The following UEVLD variants were observed in gnomAD, a reference collection of about 807,000 sequenced individuals.
The protein encoded by UEVLD is UEV and lactate/malate dehyrogenase domains.
A neutral mutation model predicts 58.6 loss-of-function variants in UEVLD; 47 were observed. The ratio of observed to expected loss-of-function variants is 0.80; its 90% CI spans 0.63 to 1.02. The LOEUF is 1.02. UEVLD is among the 50% of genes least tolerant of loss of function. UEVLD has a pLI of 0.00. For missense variants in UEVLD, 510 were observed against 550.6 expected, an observed-to-expected ratio of 0.93 and a Z score of 0.74; for synonymous variants, 197 against 195.3, an observed-to-expected ratio of 1.01 and a Z score of -0.07.
intron 10 of UEVLD, 119 bp downstream of exon 10, chr11:18,536,287 G>A: frequency 2.2e-6 from 2 of 896,798 alleles, no homozygotes; most frequent in South Asian, 1.4e-5. Flanking sequence ...ATACTTTTGG[G>A]TTTGTCCATA....
At chr11:18,573,085 G>A (rs1402588785) in intron 3 of UEVLD, among the ~76,000 whole-genome samples, 2 of 152,170 alleles carry the variant, frequency 1.3e-5, no homozygotes, top group African/African-American at 4.8e-5. Context: ...AAAAGGTGGG[G>A]GGAGCACCTG....
At chr11:18,567,024 T>G (rs1298959110) in intron 4 of UEVLD, among the ~76,000 whole-genome samples, 1 of 152,246 alleles carries the variant, frequency 6.6e-6, no homozygotes, top group Non-Finnish European at 1.5e-5. Context: ...CACATTTGCT[T>G]GTTTAGTCTT....
At chr11:18,568,841 A>G (rs900100552) in intron 4 of UEVLD, among the ~76,000 whole-genome samples, 4 of 152,010 alleles carry the variant, frequency 2.6e-5, no homozygotes, top group Non-Finnish European at 4.4e-5. Flanking sequence ...CTCCAACCTC[A>G]CTGGACTCCA....
intron 1 of UEVLD, among the ~76,000 whole-genome samples, chr11:18,585,887 G>C (rs1198056888): frequency 2.6e-5 from 4 of 152,106 alleles, no homozygotes; most frequent in Non-Finnish European, 5.9e-5. Context: ...CGCCCACCTC[G>C]GCCTCCCGAA....
At chr11:18,557,153 T>G (rs1343422129) in intron 7 of UEVLD, among the ~76,000 whole-genome samples, 1 of 151,586 alleles carries the variant, frequency 6.6e-6, no homozygotes, top group Non-Finnish European at 1.5e-5. Context: ...TTGTTTTTGT[T>G]TTTGTTTTTG....
intron 7 of UEVLD, among the ~76,000 whole-genome samples, chr11:18,557,062 G>A (rs1398316790): frequency 3.4e-5 from 5 of 146,218 alleles, no homozygotes; most frequent in Non-Finnish European, 7.4e-5. Context: ...CTGCACTCAC[G>A]CCTGGGTGAC....
intron 6 of UEVLD, among the ~76,000 whole-genome samples, chr11:18,559,683 T>TA (rs1246420605): frequency 1.3e-5 from 2 of 152,056 alleles, no homozygotes; most frequent in South Asian, 4.1e-4. Flanking sequence ...AGCTTTTTCT[T>TA]AAAAAAAGTA....
intron 6 of UEVLD, chr11:18,564,003 T>TAAAA (rs34386323): frequency 6.2e-4 from 97 of 155,686 alleles, no homozygotes; most frequent in South Asian, 1.3e-3. Context: ...AGACTCCACC[T>TAAAA]AAAAAAAAAA....
Position 18,534,429 on chromosome 11 carries a change from T to C in UEVLD, c.1149A>G (p.Lys383=). 6.3e-7 allele frequency: 1 copy of C among 1,575,006 alleles called. No homozygotes were observed. Among genetic ancestry groups the C allele is most frequent in the Admixed American group, 2.0e-5 (1 of 49,784 alleles). The change falls in exon 11 of 12, where the codon AAA becomes AAG. Residue 383 remains lysine, a synonymous_variant. Coordinates refer to ENST00000396197, the MANE Select transcript of UEVLD (RefSeq NM_001040697.4). ...SNRAMELLRV[K]GQRSWSVGLS... is the part of the protein sequence containing the mutation. ...GTCCAACAGACCAGGATCTTTGACC[T>C]TTTACTCTTAGCAGTTCCATGGCTC...
intron 6 of UEVLD, among the ~76,000 whole-genome samples, chr11:18,558,883 T>C (rs1461093549): frequency 6.6e-6 from 1 of 152,044 alleles, no homozygotes; most frequent in Non-Finnish European, 1.5e-5. Flanking sequence ...AGATTGCAGG[T>C]TTCTTTTGAG....
chr11:18,573,199 G>A (rs1044555416), intron 3 of UEVLD, among the ~76,000 whole-genome samples: 1 of 152,156 alleles, frequency 6.6e-6, no homozygotes, highest in African/African-American at 2.4e-5. Context: ...TAACCTTTCT[G>A]CCCTCATGTT....
chr11:18,566,562 C>A, intron 4 of UEVLD, 80 bp from the exon 5 acceptor site: 1 of 1,481,320 alleles, frequency 6.8e-7, no homozygotes, highest in Admixed American at 2.0e-5. Context: ...AGGAGTATTA[C>A]TTGAGCCCAG....
At chr11:18,553,817 T>C (rs1325883616) in intron 7 of UEVLD, among the ~76,000 whole-genome samples, 1 of 152,120 alleles carries the variant, frequency 6.6e-6, no homozygotes, top group Non-Finnish European at 1.5e-5. Context: ...ACAGACAGAT[T>C]AGTAGTTGCC....
In UEVLD at chr11:18,529,673, G is replaced by GA. The variant is rs1850488799; in HGVS notation, c.*2646dup. 6.6e-6 allele frequency: 1 copy of GA among 151,972 alleles called. No homozygotes were observed. Among genetic ancestry groups the GA allele is most frequent in the African/African-American group, 2.4e-5 (1 of 41,374 alleles). 9.4% of individuals were successfully genotyped at this position (151,972 alleles called of 1,614,324 possible). On this transcript the variant is annotated 3_prime_UTR_variant, in exon 12 of 12. Transcript: ENST00000396197. ...ATTTAAGGAAAACAATGTAAAATGGGAAAAAATGTATCTTCTGCTACATCA... is the reference window on the plus strand; with the variant it reads ...ATTTAAGGAAAACAATGTAAAATGGGAAAAAAATGTATCTTCTGCTACATCA...
intron 6 of UEVLD, among the ~76,000 whole-genome samples, chr11:18,562,584 C>T (rs942013719): frequency 5.3e-5 from 8 of 151,728 alleles, no homozygotes; most frequent in Non-Finnish European, 7.4e-5. Context: ...ATGGGGATCT[C>T]GCTGTGTCGC....
At chr11:18,533,203 G>A (rs1850648111) in intron 11 of UEVLD, among the ~76,000 whole-genome samples, 1 of 151,636 alleles carries the variant, frequency 6.6e-6, no homozygotes, top group African/African-American at 2.4e-5. Flanking sequence ...TCTTCTAGCT[G>A]TTTTGAAATG....
chr11:18,564,987 T>C lies in UEVLD; in HGVS notation c.517A>G (p.Ser173Gly). The change falls in exon 6 of 12, where the codon AGC (serine) becomes GGC (glycine). Residue 173 changes from serine (S) to glycine (G), a missense_variant. Physicochemically the swap from Ser to Gly is moderately conservative, Grantham distance 56. Transcript: ENST00000396197. ...GTTTTATTCTCATGATTTGCCCAGC[T>C]CTTTGAATTTGTATCTGAAACACCT... The part of the protein sequence containing the change: ...TEGVSDTNSK[S>G]WANHENKTVN... 6.2e-7 allele frequency: 1 copy of C among 1,613,210 alleles called. No homozygotes were observed. Among genetic ancestry groups the C allele is most frequent in the Non-Finnish European group, 8.5e-7 (1 of 1,179,512 alleles).
intron 4 of UEVLD, among the ~76,000 whole-genome samples, chr11:18,568,583 A>G (rs1852413242): frequency 6.6e-6 from 1 of 152,208 alleles, no homozygotes; most frequent in South Asian, 2.1e-4. Context: ...ATCACATTTA[A>G]CTGGCAATCT....
chr11:18,573,208 T>C (rs1457597719), intron 3 of UEVLD, among the ~76,000 whole-genome samples: 1 of 152,218 alleles, frequency 6.6e-6, no homozygotes, highest in Non-Finnish European at 1.5e-5. Context: ...TGCCCTCATG[T>C]TACCGCCCTA....
Sources: gnomAD v4.1 joint callset for allele counts (sites outside exome capture counted in the v4.1 genomes callset) on GRCh38, gnomAD v4.1.1 for gene constraint, MANE v1.5 for transcripts, NCBI Gene and HGNC (gene_info 2026-07-23, HGNC 2026-07-21) for gene names.